Variants in USP15 observed in about 807,000 individuals in gnomAD.
The protein encoded by USP15 is ubiquitin specific peptidase 15.
A neutral mutation model predicts 127.1 loss-of-function variants in USP15; 18 were observed. The observed-to-expected ratio is 0.14, with a 90% CI of 0.10 to 0.21. The LOEUF (loss-of-function observed/expected upper bound fraction) is 0.21, where lower values mean the gene tolerates loss of function less well. USP15 is among the 10% of genes least tolerant of loss of function. The probability of loss-of-function intolerance (pLI) is 1.00; values close to 1 mark genes in which losing one functional copy is unlikely to be tolerated. For missense variants in USP15, 805 were observed against 1,159.9 expected (o/e 0.69, Z 4.44); for synonymous variants, 364 against 393.7 (o/e 0.92, Z 0.89).
intron 21 of USP15, among the ~76,000 whole-genome samples, chr12:62,402,764 A>C (rs186937062): frequency 1.3e-5 from 2 of 152,106 alleles, no homozygotes; most frequent in Non-Finnish European, 2.9e-5. Flanking sequence ...TAGCCATTAG[A>C]TTGTTAAACA....
At chr12:62,346,424 A>G (rs2065820587) in intron 6 of USP15, among the ~76,000 whole-genome samples, 1 of 152,168 alleles carries the variant, frequency 6.6e-6, no homozygotes, top group Non-Finnish European at 1.5e-5. Flanking sequence ...AAGAGGTCAA[A>G]TAACATTTAA....
chr12:62,378,759 T>C (rs2066905469), intron 8 of USP15, among the ~76,000 whole-genome samples: 1 of 152,154 alleles, frequency 6.6e-6, no homozygotes, highest in African/African-American at 2.4e-5. Flanking sequence ...TTGAAGATAT[T>C]TTTGAGATTA....
At chr12:62,383,396 G>T (rs762360871) in intron 9 of USP15, among the ~76,000 whole-genome samples, 1 of 151,930 alleles carries the variant, frequency 6.6e-6, no homozygotes, top group Non-Finnish European at 1.5e-5. Flanking sequence ...ATGTCTTAAT[G>T]AAGCATATCT....
chr12:62,278,331 A>G (rs978703502), intron 1 of USP15, among the ~76,000 whole-genome samples: 1 of 152,182 alleles, frequency 6.6e-6, no homozygotes, highest in African/African-American at 2.4e-5. Flanking sequence ...ATATATAAGT[A>G]GAAGGAGCAC....
At chr12:62,311,916 TTTTAATTTTTTAGG>T (rs1157207632) in intron 3 of USP15, among the ~76,000 whole-genome samples, 11 of 151,806 alleles carry the variant, frequency 7.2e-5, no homozygotes, top group African/African-American at 1.9e-4. Context: ...AATTGATTAG[TTTTAATTTTTTAGG>T]TGTGATGATG....
intron 1 of USP15, among the ~76,000 whole-genome samples, chr12:62,266,401 A>G (rs1425960059): frequency 6.6e-6 from 1 of 152,204 alleles, no homozygotes; most frequent in East Asian, 1.9e-4. Context: ...ATATGAATGC[A>G]TTATTATGTT....
chr12:62,270,282 A>G (rs1228851225), intron 1 of USP15, among the ~76,000 whole-genome samples: 3 of 151,972 alleles, frequency 2.0e-5, no homozygotes, highest in Non-Finnish European at 2.9e-5. Context: ...TAAATAGTTA[A>G]TTTACAAATT....
In USP15 at chr12:62,401,300, G is replaced by A. The variant is rs1263229735; in HGVS notation, c.2763+25G>A. Reference sequence around the variant, plus strand: ...GGTAAGTTTGTCTTATATTTCCTGAGAACTATGGGATTCACTGTCTTAAGG... The same window carrying A: ...GGTAAGTTTGTCTTATATTTCCTGAAAACTATGGGATTCACTGTCTTAAGG... On this transcript the variant is annotated intron_variant, in intron 21 of 21. Transcript: ENST00000280377. 5 of 1,560,594 alleles carry A rather than the reference G, an allele frequency of 3.2e-6. No individual in the cohort carries two copies. In the East Asian group the frequency reaches 9.0e-5, roughly 28 times the overall value.
rs1433484188 is a variant in USP15, at chr12:62,409,748, A to G, written c.*5373A>G. 1 of 152,196 alleles carries G rather than the reference A, an allele frequency of 6.6e-6. No homozygotes were observed. The highest frequency in any genetic ancestry group is 1.5e-5 in the Non-Finnish European group (1 of 68,012). 9.4% of individuals were successfully genotyped at this position (152,196 alleles called of 1,614,324 possible). ...AGTCTTTCCCACAATGTGTATTATT[A>G]CATTATTCTCAGTAATGACACATAC... On this transcript the variant is annotated 3_prime_UTR_variant, in exon 22 of 22. Coordinates refer to ENST00000280377, the MANE Select transcript of USP15 (RefSeq NM_001252078.2).
intron 11 of USP15, among the ~76,000 whole-genome samples, chr12:62,388,083 A>G (rs2137600126): frequency 6.6e-6 from 1 of 151,254 alleles, no homozygotes; most frequent in Non-Finnish European, 1.5e-5. Context: ...TTAAGGGAGC[A>G]GTAGTGAAAT....
At chr12:62,360,096 T>C (rs902795679) in intron 8 of USP15, among the ~76,000 whole-genome samples, 1 of 152,166 alleles carries the variant, frequency 6.6e-6, no homozygotes, top group African/African-American at 2.4e-5. Context: ...GTTAGTTTCC[T>C]GGATGAAGCA....
intron 4 of USP15, among the ~76,000 whole-genome samples, chr12:62,317,878 A>G (rs2064876280): frequency 6.6e-6 from 1 of 152,214 alleles, no homozygotes; most frequent in African/African-American, 2.4e-5. Flanking sequence ...ATATTTGAGC[A>G]TTGAGCATGT....
chr12:62,388,220 C>T (rs1024165648), intron 11 of USP15, among the ~76,000 whole-genome samples: 1 of 150,406 alleles, frequency 6.6e-6, no homozygotes, highest in African/African-American at 2.5e-5. Flanking sequence ...GCAACCTCCG[C>T]CTCCTGGGCT....
At chr12:62,325,967 GAT>G in intron 6 of USP15, 34 bp downstream of exon 6, 2 of 1,570,538 alleles carry the variant, frequency 1.3e-6, no homozygotes, top group Non-Finnish European at 1.7e-6. Context: ...CTTATTGTAT[GAT>G]TTTGAAGCCC....
intron 8 of USP15, among the ~76,000 whole-genome samples, chr12:62,356,730 A>T (rs754580559): frequency 6.6e-6 from 1 of 152,056 alleles, no homozygotes; most frequent in Non-Finnish European, 1.5e-5. Context: ...CAAGAATTCT[A>T]GCACTAGTTA....
At position 62,413,884 on chromosome 12, in the gene USP15, A is replaced by C. The variant is rs764937767; in HGVS notation, c.*9509A>C. 6.6e-6 allele frequency: 1 copy of C among 152,200 alleles called. No individual in the cohort carries two copies. The highest frequency in any genetic ancestry group is 1.5e-5 in the Non-Finnish European group (1 of 68,040). 9.4% of individuals were successfully genotyped at this position (152,200 alleles called of 1,614,324 possible). A position where few individuals can be genotyped will look rare whatever the true frequency, so the allele number is the denominator to read the frequency against. ...CCTTGGCTTTCAACATGCTTTCCTC[A>C]CTAAGCTCCAATCATTTATAGCATT... On this transcript the variant is annotated 3_prime_UTR_variant, in exon 22 of 22. Coordinates refer to ENST00000280377, the MANE Select transcript of USP15 (RefSeq NM_001252078.2).
intron 7 of USP15, 126 bp from the exon 8 acceptor site, chr12:62,355,205 A>C: frequency 1.2e-6 from 1 of 844,366 alleles, no homozygotes; most frequent in South Asian, 2.7e-5. Context: ...AAAGTATCTG[A>C]GTTGAGTACT....
At chr12:62,344,977 C>T (rs1011659599) in intron 6 of USP15, among the ~76,000 whole-genome samples, 2 of 152,230 alleles carry the variant, frequency 1.3e-5, no homozygotes, top group African/African-American at 4.8e-5. Context: ...GCCTCCAGGC[C>T]TGTGATGGGA....
intron 3 of USP15, among the ~76,000 whole-genome samples, chr12:62,314,470 C>T (rs1225908126): frequency 6.6e-6 from 1 of 151,880 alleles, no homozygotes. Context: ...TAATCTTTCT[C>T]ATTATAAATA....
Sources: gnomAD v4.1 joint callset for allele counts (sites outside exome capture counted in the v4.1 genomes callset) on GRCh38, gnomAD v4.1.1 for gene constraint, MANE v1.5 for transcripts, NCBI Gene and HGNC (gene_info 2026-07-23, HGNC 2026-07-21) for gene names.